The following PDE4C variants were observed in gnomAD, a reference collection of about 807,000 sequenced individuals.
PDE4C encodes phosphodiesterase 4C.
A neutral mutation model predicts 63.9 loss-of-function variants in PDE4C; 50 were observed. The observed-to-expected ratio is 0.78, with a 90% CI of 0.62 to 0.99. The LOEUF (loss-of-function observed/expected upper bound fraction) is 0.99. PDE4C is among the 50% of genes least tolerant of loss of function. The probability of loss-of-function intolerance (pLI) is 0.00; values close to 1 mark genes in which losing one functional copy is unlikely to be tolerated. For missense variants in PDE4C, 777 were observed against 899.1 expected, an observed-to-expected ratio of 0.86 and a Z score of 1.74; for synonymous variants, 377 against 385.1, an observed-to-expected ratio of 0.98 and a Z score of 0.25.
At position 18,220,896 on chromosome 19, in the gene PDE4C, G is replaced by A. The variant is rs752136066; in HGVS notation, c.477C>T (p.Ser159=). 3.1e-6 allele frequency: 5 copies of A among 1,608,700 alleles called. No homozygotes were observed. Among genetic ancestry groups the A allele is most frequent in the South Asian group, 1.1e-5 (1 of 89,274 alleles). ...TACCTGCAGGAGGGAGCTGATTGCT[G>A]GATGAAGGGTTTCCGACGGGTCCCT... The change falls in exon 5 of 15, where the codon TCC becomes TCT. Residue 159 remains serine (S), a synonymous_variant. Coordinates refer to ENST00000262805, the Ensembl canonical transcript of PDE4C. The surrounding 1 kb of genome is among the most constrained non-coding windows in gnomAD (Gnocchi z 5.1).
At chr19:18,221,999 T>A in intron 2 of PDE4C, 133 bp downstream of exon 2, 1 of 723,478 alleles carries the variant, frequency 1.4e-6, no homozygotes, top group South Asian at 1.9e-5. Flanking sequence ...ATTGAATATA[T>A]GAGCTGTCTG....
At chr19:18,242,569 T>C (rs1440436364) in intron 1 of PDE4C, among the ~76,000 whole-genome samples, 1 of 147,284 alleles carries the variant, frequency 6.8e-6, no homozygotes, top group Non-Finnish European at 1.5e-5. Context: ...ATTGCCTGAG[T>C]TCAGGAGTTC....
chr19:18,220,417 T>C lies in PDE4C; in HGVS notation c.598A>G (p.Met200Val), dbSNP rs1485086531. Residue 200 changes from methionine to valine, a missense_variant, in exon 6 of 15, where the codon ATG becomes GTG. By Grantham distance (21) the Met-to-Val change is conservative. Around this residue, in one of 3 missense-constraint regions of PDE4C, gnomAD observed 28 missense variants for 53.5 expected, o/e 0.52. Coordinates refer to ENST00000262805, the Ensembl canonical transcript of PDE4C. This position sits in a 1 kb window ranked among gnomAD's most constrained non-coding sequence, Gnocchi z 5.1. ...CCCCACCTCACCTTGTTGGAGGCCA[T>C]CTCCCCCACCGAGTGCCGGGTCTGC... The C allele has an allele frequency of 6.2e-7, 1 of 1,613,982 alleles. No homozygotes were observed. Among genetic ancestry groups the C allele is most frequent in the Non-Finnish European group, 8.5e-7 (1 of 1,179,964 alleles).
At chr19:18,222,470 C>T (rs1171708177) in intron 1 of PDE4C, 147 bp from the exon 2 acceptor site, 17 of 640,618 alleles carry the variant, frequency 2.7e-5, no homozygotes, top group African/African-American at 5.5e-5. Flanking sequence ...CCCAGCTACA[C>T]CCTCAGGAAC....
chr19:18,226,596 T>G, upstream of PDE4C: 1 of 345,936 alleles, frequency 2.9e-6, no homozygotes. Flanking sequence ...CAGACGCAAC[T>G]CTCTGCTCCT....
chr19:18,215,133 T>C (rs1436330381), intron 12 of PDE4C, among the ~76,000 whole-genome samples: 1 of 151,962 alleles, frequency 6.6e-6, no homozygotes, highest in Non-Finnish European at 1.5e-5. Flanking sequence ...AGACCCCAAC[T>C]CCACCTCACC....
At chr19:18,213,576 C>A in intron 12 of PDE4C, 86 bp from the exon 13 acceptor site, 1 of 1,435,416 alleles carries the variant, frequency 7.0e-7, no homozygotes. Flanking sequence ...CACTCTGGCT[C>A]AGACTCAGCC....
exon 15 of PDE4C, chr19:18,211,060 C>G (rs1159402423): frequency 6.2e-7 from 1 of 1,614,242 alleles, no homozygotes; most frequent in Non-Finnish European, 8.5e-7. Flanking sequence ...TCTTCCTCCT[C>G]ATCCTCTTCC....
At chr19:18,218,309 C>T (rs527507101) in intron 10 of PDE4C, 25 bp downstream of exon 10, 3 of 1,613,442 alleles carry the variant, frequency 1.9e-6, no homozygotes, top group East Asian at 2.2e-5. Context: ...CACCCGCCCA[C>T]CTGCCTGCAG....
chr19:18,224,330 T>C (rs1600087957), intron 1 of PDE4C: 2 of 985,464 alleles, frequency 2.0e-6, no homozygotes, highest in East Asian at 1.1e-4. Context: ...CGAGGGCCAG[T>C]GTCCGGCTGG....
At chr19:18,248,939 C>T (rs529785514), upstream of PDE4C, among the ~76,000 whole-genome samples, 27 of 151,334 alleles carry the variant, frequency 1.8e-4, no homozygotes, top group Middle Eastern at 0.014. Context: ...GCAGGAGAAT[C>T]GTTTGAACCC....
intron 1 of PDE4C, among the ~76,000 whole-genome samples, chr19:18,232,710 A>G (rs937942716): frequency 1.4e-5 from 2 of 145,362 alleles, no homozygotes; most frequent in Non-Finnish European, 3.1e-5. Context: ...ACACACACAC[A>G]CACTCTTTCA....
chr19:18,213,774 CAG>C (rs1363260486), intron 12 of PDE4C, among the ~76,000 whole-genome samples: 6 of 152,208 alleles, frequency 3.9e-5, no homozygotes, highest in African/African-American at 1.2e-4. Flanking sequence ...ACTTGTCAGA[CAG>C]AGTCTCCCAC....
In PDE4C at chr19:18,220,384, G is replaced by T. The variant is rs777604007; in HGVS notation, c.612+19C>A. The T allele has an allele frequency of 3.7e-6, 6 of 1,612,112 alleles. No homozygotes were observed. Among genetic ancestry groups the T allele is most frequent in the Non-Finnish European group, 5.1e-6 (6 of 1,178,190 alleles). On this transcript the variant is annotated intron_variant, in intron 6 of 14. Transcript: ENST00000262805. This position sits in a 1 kb window ranked among gnomAD's most constrained non-coding sequence, Gnocchi z 5.1. ...CCGTGGGCCGAGGCAGGTGAGCTCA[G>T]CGATCTGCCCCACCTCACCTTGTTG... is the stretch of plus-strand genomic sequence containing the variant.
upstream of PDE4C, chr19:18,252,575 G>A: frequency 2.5e-6 from 1 of 397,880 alleles, no homozygotes; most frequent in East Asian, 3.6e-5. Context: ...GACCAGCCTG[G>A]GCAACATAGC....
intron 1 of PDE4C, among the ~76,000 whole-genome samples, chr19:18,222,726 G>A (rs1257070875): frequency 1.1e-5 from 1 of 92,672 alleles, no homozygotes; most frequent in Non-Finnish European, 2.1e-5. Flanking sequence ...TTTTGACAGG[G>A]CCCCACTTTG....
chr19:18,241,783 C>T (rs2148067517), intron 1 of PDE4C, among the ~76,000 whole-genome samples: 1 of 152,200 alleles, frequency 6.6e-6, no homozygotes, highest in East Asian at 1.9e-4. Flanking sequence ...ATCCTGGGCT[C>T]AAGCGATCCA....
intron 2 of PDE4C, 100 bp from the exon 3 acceptor site, chr19:18,221,397 C>T: frequency 8.3e-7 from 1 of 1,202,794 alleles, no homozygotes; most frequent in East Asian, 2.7e-5. Context: ...CTCAGGACTT[C>T]TCCTCCAGGC....
upstream of PDE4C, among the ~76,000 whole-genome samples, chr19:18,251,615 A>G (rs1969229875): frequency 6.8e-6 from 1 of 146,780 alleles, no homozygotes; most frequent in African/African-American, 2.5e-5. Flanking sequence ...TTGTAGTTTT[A>G]ATAGAGACGG....
Sources: allele counts gnomAD v4.1 joint callset (sites outside exome capture counted in the v4.1 genomes callset), GRCh38; gene constraint gnomAD v4.1.1; regional missense constraint gnomAD v4.1.1; non-coding constraint Gnocchi (gnomAD v3.1); transcripts MANE v1.5; gene names NCBI Gene and HGNC (gene_info 2026-07-23, HGNC 2026-07-21).